AGBL1: variants seen among roughly 807,000 people sequenced by gnomAD.
The protein encoded by AGBL1 is cytosolic carboxypeptidase 4.
Under a neutral mutation model 118.9 loss-of-function variants are expected in AGBL1, and 130 were observed. The observed-to-expected ratio is 1.09, with a 90% CI of 0.95 to 1.26. AGBL1 has a LOEUF of 1.26. AGBL1 is among the 50% of genes most tolerant of loss of function. AGBL1 has a pLI of 0.00. For missense variants in AGBL1, 1,584 were observed against 1,298.1 expected, an observed-to-expected ratio of 1.22 and a Z score of -3.38; for synonymous variants, 555 against 478.9, an observed-to-expected ratio of 1.16 and a Z score of -2.08.
intron 1 of AGBL1, among the ~76,000 whole-genome samples, chr15:86,108,265 A>G (rs947653973): frequency 2.6e-5 from 4 of 152,250 alleles, no homozygotes; most frequent in African/African-American, 9.6e-5. Flanking sequence ...TAATTTTTGC[A>G]GCAATAAACA....
intron 22 of AGBL1, among the ~76,000 whole-genome samples, chr15:86,793,638 C>G (rs1041063307): frequency 1.1e-4 from 17 of 152,116 alleles, no homozygotes; most frequent in African/African-American, 4.1e-4. Flanking sequence ...AAATTAAAAA[C>G]TTTTGTTTAT....
rs555352819 is a variant in AGBL1, at chr15:86,194,408, C to T, written c.489-30506C>T. On this transcript the variant is annotated intron_variant, in intron 5 of 22. Coordinates refer to ENST00000614907, the MANE Select transcript of AGBL1 (RefSeq NM_001386094.1). ...GAGGGCGTCTTGGGATCTTTTCTCC[C>T]ATGTCTGTTCTTTTGCTTTCCACTA... Among the ~76,000 whole-genome samples the T allele has an allele frequency of 2.0e-5, 3 of 152,294 alleles. No individual in the cohort carries two copies. In the South Asian group the frequency reaches 6.2e-4, roughly 32 times the overall value.
chr15:86,307,967 G>A (rs1019235041), intron 17 of AGBL1, among the ~76,000 whole-genome samples: 152 of 151,996 alleles, frequency 1.0e-3, no homozygotes, highest in African/African-American at 3.5e-3. Flanking sequence ...CCTGAATTCT[G>A]TGCTAAATGG....
chr15:86,558,760 T>A (rs760643929), intron 21 of AGBL1, among the ~76,000 whole-genome samples: 5 of 152,178 alleles, frequency 3.3e-5, no homozygotes, highest in Admixed American at 1.3e-4. Context: ...TCACTCCACT[T>A]GCCTTAGCTG....
chr15:86,735,459 A>G (rs1287034187), intron 22 of AGBL1, among the ~76,000 whole-genome samples: 1 of 152,202 alleles, frequency 6.6e-6, no homozygotes, highest in East Asian at 1.9e-4. Flanking sequence ...GGCAGATTTC[A>G]AAGGAAAATG....
At chr15:86,568,758 A>G (rs1430555508) in intron 21 of AGBL1, among the ~76,000 whole-genome samples, 2 of 152,092 alleles carry the variant, frequency 1.3e-5, no homozygotes, top group Non-Finnish European at 2.9e-5. Context: ...TTTTCCCATA[A>G]ATTTGAGAAA....
At chr15:86,390,412 G>A (rs1330506666) in intron 17 of AGBL1, among the ~76,000 whole-genome samples, 2 of 152,038 alleles carry the variant, frequency 1.3e-5, no homozygotes, top group Non-Finnish European at 1.5e-5. Flanking sequence ...GTGTATATGG[G>A]ACATTGTACC....
intron 17 of AGBL1, among the ~76,000 whole-genome samples, chr15:86,369,690 T>G (rs1422005447): frequency 6.6e-6 from 1 of 152,120 alleles, no homozygotes; most frequent in East Asian, 1.9e-4. Context: ...AAGATGACCC[T>G]CAGAGAAGGT....
intron 21 of AGBL1, among the ~76,000 whole-genome samples, chr15:86,658,615 T>G (rs1166950002): frequency 6.6e-6 from 1 of 152,166 alleles, no homozygotes; most frequent in Non-Finnish European, 1.5e-5. Flanking sequence ...GGCCAGTGTT[T>G]CTCATTTGTA....
chr15:86,263,366 C>T (rs78483682), intron 10 of AGBL1, among the ~76,000 whole-genome samples: 24,423 of 152,158 alleles, frequency 0.16, 2,101 homozygotes, highest in Admixed American at 0.21. Context: ...TAGGCTAAAC[C>T]ATCTAAGTTG....
intron 18 of AGBL1, among the ~76,000 whole-genome samples, chr15:86,401,662 A>G (rs1370025809): frequency 1.3e-5 from 2 of 152,132 alleles, no homozygotes; most frequent in Admixed American, 1.3e-4. Flanking sequence ...TCCTTCTTCT[A>G]CATGTGGCTT....
chr15:86,725,900 C>G (rs539584451), intron 22 of AGBL1, among the ~76,000 whole-genome samples: 1 of 152,236 alleles, frequency 6.6e-6, no homozygotes, highest in East Asian at 1.9e-4. Flanking sequence ...GAAGAATATA[C>G]TGGACTATGA....
At chr15:86,671,512 A>T (rs553277006) in intron 21 of AGBL1, among the ~76,000 whole-genome samples, 1 of 152,310 alleles carries the variant, frequency 6.6e-6, no homozygotes, top group South Asian at 2.1e-4. Flanking sequence ...ACTTTTAAAC[A>T]AATCCGGAGC....
intron 22 of AGBL1, among the ~76,000 whole-genome samples, chr15:86,813,692 C>G (rs2078822499): frequency 1.3e-5 from 2 of 152,140 alleles, no homozygotes; most frequent in Non-Finnish European, 2.9e-5. Flanking sequence ...GAAACAAGCT[C>G]AGAGTCAGTT....
chr15:86,761,107 A>G (rs2078016768), intron 22 of AGBL1, among the ~76,000 whole-genome samples: 1 of 152,052 alleles, frequency 6.6e-6, no homozygotes, highest in Non-Finnish European at 1.5e-5. Flanking sequence ...TTCCTTAGAC[A>G]AGTACCCCAG....
intron 18 of AGBL1, among the ~76,000 whole-genome samples, chr15:86,487,770 AT>A (rs1433188537): frequency 6.6e-6 from 1 of 152,050 alleles, no homozygotes; most frequent in Non-Finnish European, 1.5e-5. Context: ...TGAATATTGA[AT>A]TCATATTTTC....
intron 7 of AGBL1, among the ~76,000 whole-genome samples, chr15:86,255,006 C>T: frequency 6.6e-6 from 1 of 152,132 alleles, no homozygotes; most frequent in Middle Eastern, 3.2e-3. Flanking sequence ...TTTTTCAGAA[C>T]ATTTGAACTT....
intron 24 of AGBL1, among the ~76,000 whole-genome samples, chr15:87,028,655 G>C (rs1422811851): frequency 6.6e-6 from 1 of 151,840 alleles, no homozygotes. Flanking sequence ...TTGAAGAGGA[G>C]AAATATCTCT....
chr15:86,266,992 CT>C lies in AGBL1; in HGVS notation c.1757del (p.Leu586CysfsTer39). On this transcript the variant is annotated frameshift_variant, in exon 13 of 23. Transcript: ENST00000614907. LOFTEE classifies it high-confidence loss of function. ...KVVFSLDEPWPLQDNASNCLR... is the reference protein window; with the variant it reads ...KVVFSLDEPWXLQDNASNCLR... The stretch of plus-strand genomic sequence containing the variant: ...ACATGTTCCTTATTTCATTGTAGGC[CT>C]TTGCAAGACAATGCTTCCAATTGTT... 6.4e-7 allele frequency: 1 copy of C among 1,566,464 alleles called. No individual in the cohort carries two copies. Among genetic ancestry groups the C allele is most frequent in the Non-Finnish European group, 8.7e-7 (1 of 1,153,954 alleles).
Sources: gnomAD v4.1 joint callset for allele counts (sites outside exome capture counted in the v4.1 genomes callset) on GRCh38, gnomAD v4.1.1 for gene constraint, MANE v1.5 for transcripts, NCBI Gene and HGNC (gene_info 2026-07-23, HGNC 2026-07-21) for gene names.